The following PROM2 variants were observed in gnomAD, a reference collection of about 807,000 sequenced individuals.
PROM2 encodes the protein prominin-2.
In PROM2, 90 loss-of-function variants were observed where a neutral mutation model predicts 110.2. The ratio of observed to expected loss-of-function variants is 0.82; its 90% CI spans 0.69 to 0.97. PROM2 has a LOEUF of 0.97. Ranked by LOEUF, PROM2 falls within the 50% of genes least tolerant of loss-of-function variation. The probability of loss-of-function intolerance (pLI) is 0.00; values close to 1 mark genes in which losing one functional copy is unlikely to be tolerated. For missense variants in PROM2, 1,009 were observed against 1,074.8 expected (o/e 0.94, Z 0.86); for synonymous variants, 470 against 467.8 (o/e 1.00, Z -0.06).
intron 11 of PROM2, among the ~76,000 whole-genome samples, chr2:95,280,681 G>A (rs538580560): frequency 1.3e-5 from 2 of 152,130 alleles, no homozygotes; most frequent in South Asian, 4.1e-4. Context: ...GTCTTGCTCT[G>A]TCACCCAGGA....
At position 95,279,908 on chromosome 2, in the gene PROM2, C is replaced by T. The variant is rs764493517; in HGVS notation, c.1338C>T (p.Gly446=). 3 of 1,559,280 alleles carry T rather than the reference C, an allele frequency of 1.9e-6. No individual in the cohort carries two copies. The highest frequency in any genetic ancestry group is 4.9e-5 in the East Asian group (2 of 40,740). ...VLFVVLCNLL[G]LNLGIWGLSA... ...TCGTGGTGCTCTGCAACCTGCTGGG[C>T]CTCAATCTGGGCATCTGGGGCCTGT... The change falls in exon 11 of 24, where the codon GGC becomes GGT. Residue 446 remains glycine, a synonymous_variant. Coordinates refer to ENST00000317620, the MANE Select transcript of PROM2 (RefSeq NM_001165978.3).
intron 7 of PROM2, 44 bp from the exon 8 acceptor site, chr2:95,277,886 G>C (rs1472167579): frequency 3.2e-6 from 5 of 1,548,862 alleles, no homozygotes; most frequent in Non-Finnish European, 8.9e-7. Flanking sequence ...TCCCCTTCAG[G>C]CCTCTCCATG....
At position 95,274,508 on chromosome 2, in the gene PROM2, A is replaced by G; in HGVS notation, c.-78A>G. 1 of 1,474,756 alleles carries G rather than the reference A, an allele frequency of 6.8e-7. No individual in the cohort carries two copies. The highest frequency in any genetic ancestry group is 1.4e-5 in the African/African-American group (1 of 70,308). 91.4% of individuals were successfully genotyped at this position (1,474,756 alleles called of 1,614,324 possible). ...TTGAGAGCTGTGGAGAGAGGGACAG[A>G]GGCTGGAGAAGGATGTATGGCCTGC... On this transcript the variant is annotated 5_prime_UTR_variant, in exon 1 of 24. Coordinates refer to ENST00000317620, the MANE Select transcript of PROM2 (RefSeq NM_001165978.3).
chr2:95,278,874 C>A (rs548655116), intron 9 of PROM2, 90 bp downstream of exon 9: 9 of 1,603,380 alleles, frequency 5.6e-6, no homozygotes, highest in Non-Finnish European at 7.7e-6. Context: ...ACTGGGGTGG[C>A]GGGGGACTGT....
rs1303621484 is a variant in PROM2, at chr2:95,275,992, G to A, written c.357G>A (p.Leu119=). 1.9e-6 allele frequency: 3 copies of A among 1,612,204 alleles called. No homozygotes were observed. The highest frequency in any genetic ancestry group is 1.1e-5 in the South Asian group (1 of 91,050). Residue 119 remains leucine, a synonymous_variant, in exon 3 of 24, where the codon CTG becomes CTA. Transcript: ENST00000317620. The surrounding 1 kb of genome is among the most constrained non-coding windows in gnomAD (Gnocchi z 4.4). ...TGATCGCGGGCCTCTACCTGCTGCT[G>A]GTGCCCACTGCCGGGCTTTGCTTCT... ...CAVIAGLYLL[L]VPTAGLCFCC...
intron 9 of PROM2, 52 bp from the exon 10 acceptor site, chr2:95,278,933 C>A (rs1676843669): frequency 3.8e-6 from 6 of 1,599,200 alleles, no homozygotes; most frequent in Non-Finnish European, 5.1e-6. Flanking sequence ...TGTCTTGTTC[C>A]TGGGCCCCAG....
At position 95,280,028 on chromosome 2, in the gene PROM2, C is replaced by T. The variant is rs371509543; in HGVS notation, c.1427+31C>T. On this transcript the variant is annotated intron_variant, in intron 11 of 23. Transcript: ENST00000317620. ...AAAGGGCTGGGAGAGGGGAAGGGTC[C>T]CCTCTTATAGGGCTGGCTGATTACT... 2.8e-4 allele frequency: 386 copies of T among 1,384,418 alleles called. 6 individuals carry two copies. The South Asian group carries it at 6.5e-3, about 23-fold the overall frequency. The allele number at this position is 1,384,418 out of a possible 1,614,324, so 85.8% of individuals were successfully genotyped here. A position where few individuals can be genotyped will look rare whatever the true frequency, so the allele number is the denominator to read the frequency against.
intron 10 of PROM2, 108 bp from the exon 11 acceptor site, chr2:95,279,737 C>A (rs561171744): frequency 2.2e-6 from 2 of 890,592 alleles, no homozygotes; most frequent in Non-Finnish European, 3.1e-6. Context: ...ATTTCTGAAG[C>A]CCCAGCCTTG....
chr2:95,276,567 C>T lies in PROM2; in HGVS notation c.619-27C>T. ...AAGGACTGTGGGTGACCAGGAAGGG[C>T]AGCCTCAGGGCCTTGTGTTTGCCTA... On this transcript the variant is annotated intron_variant, in intron 4 of 23. Coordinates refer to ENST00000317620, the MANE Select transcript of PROM2 (RefSeq NM_001165978.3). This position sits in a 1 kb window ranked among gnomAD's most constrained non-coding sequence, Gnocchi z 4.6. 1 of 1,613,844 alleles carries T rather than the reference C, an allele frequency of 6.2e-7. No individual in the cohort carries two copies. The highest frequency in any genetic ancestry group is 8.5e-7 in the Non-Finnish European group (1 of 1,179,908).
At position 95,285,731 on chromosome 2, in the gene PROM2, C is replaced by T. The variant is rs375448443; in HGVS notation, c.1947+21C>T. 7 of 1,578,746 alleles carry T rather than the reference C, an allele frequency of 4.4e-6. No individual in the cohort carries two copies. The African/African-American group carries it at 5.4e-5, about 12-fold the overall frequency. ...CCCAAGTGAGTGGGAAACAGGGCCC[C>T]GACTGGGCAGCAGGAGCCACAGGGG... On this transcript the variant is annotated intron_variant, in intron 16 of 23. Coordinates refer to ENST00000317620, the MANE Select transcript of PROM2 (RefSeq NM_001165978.3).
rs768836550 is a variant in PROM2, at chr2:95,287,475, C to A, written c.2244+11C>A. 6.2e-7 allele frequency: 1 copy of A among 1,612,576 alleles called. No individual in the cohort carries two copies. Among genetic ancestry groups the A allele is most frequent in the South Asian group, 1.1e-5 (1 of 91,022 alleles). On this transcript the variant is annotated intron_variant, in intron 20 of 23. Coordinates refer to ENST00000317620, the MANE Select transcript of PROM2 (RefSeq NM_001165978.3). ...TGGGTGAGAGAGGAGGTGAGTGGGG[C>A]CTCAGAAGCAATGACTGATTCCCTG...
chr2:95,288,323 G>A (rs1445027815), intron 21 of PROM2, 23 bp downstream of exon 21: 2 of 1,611,934 alleles, frequency 1.2e-6, no homozygotes, highest in South Asian at 2.2e-5. Flanking sequence ...GCTCATCGGG[G>A]CTTGTTCACC....
intron 14 of PROM2, among the ~76,000 whole-genome samples, chr2:95,284,384 G>C (rs1013406307): frequency 6.6e-6 from 1 of 152,014 alleles, no homozygotes; most frequent in Admixed American, 6.6e-5. Flanking sequence ...CCAGCTACTC[G>C]AGAGGCTGAG....
In PROM2 at chr2:95,277,485, G is replaced by A. The variant is rs753370820; in HGVS notation, c.894G>A (p.Leu298=). The A allele has an allele frequency of 1.2e-6, 2 of 1,612,374 alleles. No homozygotes were observed. The highest frequency in any genetic ancestry group is 1.1e-5 in the South Asian group (1 of 90,940). The change falls in exon 7 of 24, where the codon CTG becomes CTA. Residue 298 remains leucine, a synonymous_variant. Coordinates refer to ENST00000317620, the MANE Select transcript of PROM2 (RefSeq NM_001165978.3). ...ACCGGGACCGCCTCCTTGAGCTGCT[G>A]CAGGAGGCCAGGTGCCAGGGAGATT... ...REHRDRLLEL[L]QEARCQGDCA... is the part of the protein sequence containing the mutation.
chr2:95,281,891 G>A lies in PROM2; in HGVS notation c.1552-34G>A, dbSNP rs186927513. 559 of 1,536,700 alleles carry A rather than the reference G, an allele frequency of 3.6e-4. 3 individuals carry two copies. Among genetic ancestry groups the A allele is most frequent in the Non-Finnish European group, 5.8e-5 (64 of 1,110,424 alleles). On this transcript the variant is annotated intron_variant, in intron 12 of 23. Coordinates refer to ENST00000317620, the MANE Select transcript of PROM2 (RefSeq NM_001165978.3). ...ACCAGGGTGGCCTTGCCCCCACCCC[G>A]CTCTGTGCCCATTTCTCACTGCCCC...
At position 95,279,028 on chromosome 2, in the gene PROM2, A is replaced by G. The variant is rs890650444; in HGVS notation, c.1158A>G (p.Thr386=). The change falls in exon 10 of 24, where the codon ACA becomes ACG. Residue 386 remains threonine (T), a synonymous_variant. Coordinates refer to ENST00000317620, the MANE Select transcript of PROM2 (RefSeq NM_001165978.3). ...AVAQQPEGVR[T]LAEGFPGLEA... is the part of the protein sequence containing the mutation. ...CCCAGCAGCCGGAAGGGGTGAGGAC[A>G]CTGGCTGAAGGGTTCCCGGGCTTGG... The G allele has an allele frequency of 6.2e-7, 1 of 1,612,532 alleles. No homozygotes were observed. Among genetic ancestry groups the G allele is most frequent in the African/African-American group, 1.3e-5 (1 of 75,026 alleles).
Position 95,279,041 on chromosome 2 carries a change from T to A in PROM2, c.1171T>A (p.Phe391Ile), listed in dbSNP as rs1198534488. ...AGGGGTGAGGACACTGGCTGAAGGGTTCCCGGGCTTGGAGGCAGCTTCCCG... is the reference window on the plus strand; with the variant it reads ...AGGGGTGAGGACACTGGCTGAAGGGATCCCGGGCTTGGAGGCAGCTTCCCG... ...PEGVRTLAEG[F>I]PGLEAASRWA... Residue 391 changes from phenylalanine to isoleucine, a missense_variant, in exon 10 of 24, where the codon TTC (phenylalanine) becomes ATC (isoleucine). Phe to Ile is a conservative substitution (Grantham distance 21). Coordinates refer to ENST00000317620, the MANE Select transcript of PROM2 (RefSeq NM_001165978.3). 1 of 1,612,898 alleles carries A rather than the reference T, an allele frequency of 6.2e-7. No homozygotes were observed. The highest frequency in any genetic ancestry group is 8.5e-7 in the Non-Finnish European group (1 of 1,179,630).
chr2:95,283,129 C>T (rs1320638793), intron 14 of PROM2, among the ~76,000 whole-genome samples: 2 of 152,232 alleles, frequency 1.3e-5, no homozygotes, highest in Non-Finnish European at 2.9e-5. Context: ...AGGAGCTCCC[C>T]GAGCAGGCGA....
chr2:95,289,024 C>G lies in PROM2; in HGVS notation c.*10+18C>G, dbSNP rs369418009. ...CCTTGTGGGTGAGTTTTCCCCAACT[C>G]GCTTAATTGCTCCCTGCCAGGGATT... On this transcript the variant is annotated intron_variant, in intron 23 of 23. Transcript: ENST00000317620. 2.6e-5 allele frequency: 41 copies of G among 1,575,600 alleles called. No homozygotes were observed. Among genetic ancestry groups the G allele is most frequent in the Non-Finnish European group, 3.3e-5 (38 of 1,147,196 alleles).
Sources: allele counts gnomAD v4.1 joint callset (sites outside exome capture counted in the v4.1 genomes callset), GRCh38; gene constraint gnomAD v4.1.1; non-coding constraint Gnocchi (gnomAD v3.1); transcripts MANE v1.5; gene names NCBI Gene and HGNC (gene_info 2026-07-23, HGNC 2026-07-21).